DMD: variants seen among roughly 807,000 people sequenced by gnomAD.
DMD encodes dystrophin.
DMD carries 63 observed loss-of-function variants against 330.1 expected under a neutral mutation model. The ratio of observed to expected loss-of-function variants is 0.19; its 90% CI spans 0.16 to 0.24. DMD has a LOEUF of 0.24. Ranked by LOEUF, DMD falls within the 10% of genes least tolerant of loss-of-function variation. The pLI is 1.00. For missense variants in DMD, 3,344 were observed against 2,684.1 expected, an observed-to-expected ratio of 1.25 and a Z score of -5.43; for synonymous variants, 1,223 against 959.8, an observed-to-expected ratio of 1.27 and a Z score of -5.07.
At chrX:32,406,854 C>G (rs772183803) in intron 30 of DMD, among the ~76,000 whole-genome samples, 5 of 111,182 alleles carry the variant, frequency 4.5e-5, no homozygotes, top group East Asian at 2.8e-4. Flanking sequence ...TGACAAACCT[C>G]ACAAAAACAA....
At chrX:32,652,272 A>G (rs1331039875) in intron 9 of DMD, among the ~76,000 whole-genome samples, 2 of 93,416 alleles carry the variant, frequency 2.1e-5, no homozygotes, top group African/African-American at 7.8e-5. Context: ...ATCTCCTAAT[A>G]CTATCCCTCC....
intron 13 of DMD, among the ~76,000 whole-genome samples, chrX:32,591,310 T>A: frequency 8.9e-6 from 1 of 112,215 alleles, no homozygotes; most frequent in Non-Finnish European, 1.9e-5. Flanking sequence ...TATAGTTGGC[T>A]CTCAACTTTT....
At chrX:31,557,363 C>T (rs1455955362) in intron 55 of DMD, among the ~76,000 whole-genome samples, 1 of 111,652 alleles carries the variant, frequency 9.0e-6, no homozygotes, top group African/African-American at 3.3e-5. Flanking sequence ...AGCAAACTGT[C>T]TCAGTATCCT....
chrX:32,814,327 C>T (rs533831190), intron 6 of DMD, among the ~76,000 whole-genome samples: 36 of 112,089 alleles, frequency 3.2e-4, no homozygotes, highest in African/African-American at 1.1e-3. Context: ...GTGGACTTTG[C>T]GTTTTATCAC....
chrX:31,307,343 T>C (rs896243560), intron 62 of DMD, among the ~76,000 whole-genome samples: 1 of 112,102 alleles, frequency 8.9e-6, no homozygotes. Context: ...CACCTCAACA[T>C]TGAACTGCTT....
At position 32,859,512 on chromosome X, in the gene DMD, A is replaced by C. The variant is rs370169924; in HGVS notation, c.94-9692T>G. Among the ~76,000 whole-genome samples, 8 of 95,412 alleles carry C rather than the reference A, an allele frequency of 8.4e-5. No homozygotes were observed. The East Asian group carries it at 1.6e-3, about 19-fold the overall frequency. 82.9% of individuals were successfully genotyped at this position (95,412 alleles called of 115,157 possible). A position where few individuals can be genotyped will look rare whatever the true frequency, so the allele number is the denominator to read the frequency against. On this transcript the variant is annotated intron_variant, in intron 2 of 78. Coordinates refer to ENST00000357033, the MANE Select transcript of DMD (RefSeq NM_004006.3). ...ACACACACACACACACACACACACA[A>C]GTTAAAGTCTTTTCGATAATATAAA... is the stretch of plus-strand genomic sequence containing the variant.
intron 9 of DMD, among the ~76,000 whole-genome samples, chrX:32,661,449 G>C (rs1466360233): frequency 9.0e-6 from 1 of 111,459 alleles, no homozygotes; most frequent in Admixed American, 9.6e-5. Context: ...CTAATAAAAA[G>C]CAGAGATGGG....
At chrX:31,922,352 C>T (rs990522842) in intron 47 of DMD, among the ~76,000 whole-genome samples, 2 of 111,292 alleles carry the variant, frequency 1.8e-5, no homozygotes, top group African/African-American at 3.3e-5. Context: ...TTGCAATATC[C>T]TTTATCATAA....
chrX:32,587,682 C>T (rs1197014396), intron 13 of DMD, among the ~76,000 whole-genome samples: 2 of 110,866 alleles, frequency 1.8e-5, no homozygotes, highest in Non-Finnish European at 3.8e-5. Context: ...AGTATGTCAC[C>T]TCTTTTAAAA....
intron 43 of DMD, among the ~76,000 whole-genome samples, chrX:32,286,594 C>T (rs2097442707): frequency 9.0e-6 from 1 of 111,620 alleles, no homozygotes; most frequent in African/African-American, 3.3e-5. Context: ...ATTATAGTAC[C>T]AAAGCTCTTA....
At position 32,809,563 on chromosome X, in the gene DMD, T is replaced by A. The variant is rs766344083; in HGVS notation, c.579A>T (p.Thr193=). Residue 193 remains threonine (T), a synonymous_variant, in exon 7 of 79, where the codon ACA becomes ACT. Transcript: ENST00000357033. ...TGTTGAATGCATGTTCCAGTCGTTGTGTGGCTGACTGCTGGCAAACCACAC... is the reference window on the plus strand; with the variant it reads ...TGTTGAATGCATGTTCCAGTCGTTGAGTGGCTGACTGCTGGCAAACCACAC... ...WNSVVCQQSA[T]QRLEHAFNIA... 1.2e-5 allele frequency: 14 copies of A among 1,209,148 alleles called. No homozygotes were observed. In the Admixed American group the frequency reaches 2.9e-4, roughly 25 times the overall value.
At chrX:32,082,183 G>A (rs1406062775) in intron 44 of DMD, among the ~76,000 whole-genome samples, 1 of 111,641 alleles carries the variant, frequency 9.0e-6, no homozygotes, top group African/African-American at 3.3e-5. Context: ...AACTCCAGCA[G>A]GCAGCCAGGT....
At chrX:31,413,816 C>G (rs1009480662) in intron 60 of DMD, among the ~76,000 whole-genome samples, 4 of 108,423 alleles carry the variant, frequency 3.7e-5, no homozygotes, top group Non-Finnish European at 5.7e-5. Flanking sequence ...TTCAGATACA[C>G]TGCTGCAGCA....
chrX:32,788,953 A>C (rs1335836129), intron 7 of DMD, among the ~76,000 whole-genome samples: 1 of 112,007 alleles, frequency 8.9e-6, no homozygotes, highest in African/African-American at 3.2e-5. Context: ...GATGTCAATT[A>C]GTAACAAGAT....
intron 7 of DMD, among the ~76,000 whole-genome samples, chrX:32,771,135 TATTA>T (rs1456178061): frequency 1.8e-5 from 2 of 112,164 alleles, no homozygotes; most frequent in Non-Finnish European, 3.8e-5. Context: ...GCGCATGCAA[TATTA>T]ATTTTGATTA....
chrX:33,275,498 G>A (rs1462469471), intron 1 of DMD, among the ~76,000 whole-genome samples: 6 of 111,940 alleles, frequency 5.4e-5, no homozygotes, highest in East Asian at 2.8e-4. Context: ...AGTATATAGC[G>A]TATGTTCATG....
chrX:32,837,354 T>C (rs778437252), intron 4 of DMD, among the ~76,000 whole-genome samples: 27 of 111,635 alleles, frequency 2.4e-4, no homozygotes, highest in Admixed American at 2.9e-4. Flanking sequence ...TGGAGGATTC[T>C]ATGGAGAGAC....
intron 44 of DMD, among the ~76,000 whole-genome samples, chrX:32,203,703 C>T (rs1054432110): frequency 3.6e-5 from 4 of 111,660 alleles, no homozygotes; most frequent in African/African-American, 1.3e-4. Context: ...TAAATTCCTC[C>T]GTCACCTCAG....
intron 29 of DMD, among the ~76,000 whole-genome samples, chrX:32,417,162 C>G (rs1603633016): frequency 9.0e-6 from 1 of 111,560 alleles, no homozygotes; most frequent in Admixed American, 9.5e-5. Context: ...AGTAATAAGT[C>G]TCTCTCATTC....
Sources: gnomAD v4.1 joint callset for allele counts (sites outside exome capture counted in the v4.1 genomes callset) on GRCh38, gnomAD v4.1.1 for gene constraint, MANE v1.5 for transcripts, NCBI Gene and HGNC (gene_info 2026-07-23, HGNC 2026-07-21) for gene names.